Variants in PPEF1 observed in about 807,000 individuals in gnomAD.
The protein encoded by PPEF1 is protein phosphatase with EF-hand domain 1.
PPEF1 carries 12 observed loss-of-function variants against 53.3 expected under a neutral mutation model. That is an observed-to-expected ratio of 0.23 (90% CI 0.14 to 0.36). The LOEUF (loss-of-function observed/expected upper bound fraction) is 0.36. PPEF1 is among the 10% of genes least tolerant of loss of function. The pLI is 1.00. For synonymous variants in PPEF1, 165 were observed against 176.7 expected (o/e 0.93, Z 0.52); for missense variants, 334 against 490.4 (o/e 0.68, Z 3.01).
At chrX:18,707,054 C>T (rs1016751119), upstream of PPEF1, among the ~76,000 whole-genome samples, 1 of 109,402 alleles carries the variant, frequency 9.1e-6, no homozygotes, top group South Asian at 4.0e-4. Flanking sequence ...GTCTCGAACT[C>T]CTGACCTCGT....
At chrX:18,825,597 G>A (rs2047151141) in intron 14 of PPEF1, among the ~76,000 whole-genome samples, 154 bp from the exon 15 acceptor site, 1 of 112,056 alleles carries the variant, frequency 8.9e-6, no homozygotes. Flanking sequence ...GAATGAAGAG[G>A]GTGGGGCCTC....
In PPEF1 at chrX:18,749,900, C is replaced by G; in HGVS notation, c.344C>G (p.Pro115Arg). The G allele has an allele frequency of 2.5e-6, 3 of 1,206,999 alleles. No individual in the cohort carries two copies. The highest frequency in any genetic ancestry group is 3.4e-6 in the Non-Finnish European group (3 of 891,558). The change falls in exon 4 of 16, where the codon CCT becomes CGT. Residue 115 changes from proline (P) to arginine (R), a missense_variant. Physicochemically the swap from Pro to Arg is moderately radical, Grantham distance 103. Transcript: ENST00000470157. ...TATAATGGTCCTCGGCTACAATTTC[C>G]TCTCACTTGTACGGATATTGATTTA... ...DSYNGPRLQFPLTCTDIDLLL... is the reference protein window; with the variant it reads ...DSYNGPRLQFRLTCTDIDLLL...
At chrX:18,689,889 G>A (rs1183290213) in intron 3 of PPEF1, among the ~76,000 whole-genome samples, 2 of 110,887 alleles carry the variant, frequency 1.8e-5, no homozygotes, top group Non-Finnish European at 3.8e-5. Flanking sequence ...TCCGGGTCAC[G>A]AGCCTTAGCT....
At chrX:18,736,208 G>A (rs1240263825) in intron 3 of PPEF1, among the ~76,000 whole-genome samples, 1 of 111,740 alleles carries the variant, frequency 8.9e-6, no homozygotes, top group East Asian at 2.8e-4. Context: ...TCTTGTGCCA[G>A]TTTTCAAAGG....
chrX:18,765,789 C>T (rs924446238), intron 6 of PPEF1, among the ~76,000 whole-genome samples: 2 of 110,887 alleles, frequency 1.8e-5, no homozygotes, highest in Non-Finnish European at 3.8e-5. Context: ...AAAGGCCGGG[C>T]ACAGTGGCTC....
At chrX:18,759,857 C>T (rs1472560028) in intron 5 of PPEF1, among the ~76,000 whole-genome samples, 1 of 111,463 alleles carries the variant, frequency 9.0e-6, no homozygotes, top group African/African-American at 3.3e-5. Context: ...GAAAAGTATT[C>T]GTAAATTAAA....
chrX:18,822,123 G>C (rs2047073891), intron 13 of PPEF1, among the ~76,000 whole-genome samples: 2 of 112,175 alleles, frequency 1.8e-5, no homozygotes, highest in African/African-American at 6.5e-5. Context: ...ATGGGCTGTG[G>C]TGTCAGTGAA....
At chrX:18,732,777 C>A (rs905784908) in intron 2 of PPEF1, among the ~76,000 whole-genome samples, 1 of 112,275 alleles carries the variant, frequency 8.9e-6, no homozygotes, top group Non-Finnish European at 1.9e-5. Context: ...TTTGCAGATA[C>A]CTGGTGGCCA....
Position 18,677,035 on chromosome X carries a change from CTTT to C in PPEF1, c.-587+924_-587+926del, listed in dbSNP as rs763530257. ...GCCCCTCGCAAGGTGTCATCACAAT[CTTT>C]TTTTTTTTTTTTTTTTTTAAGACGG... On this transcript the variant is annotated intron_variant, in intron 1 of 20. Coordinates refer to the PPEF1 transcript ENST00000689646. 2.9e-4 allele frequency among the ~76,000 whole-genome samples: 26 copies of C among 90,010 alleles called. No homozygotes were observed. The East Asian group carries it at 7.6e-3, about 26-fold the overall frequency. The allele number at this position is 90,010 out of a possible 115,157, so 78.2% of individuals were successfully genotyped here.
intron 6 of PPEF1, among the ~76,000 whole-genome samples, chrX:18,768,265 GACTA>G (rs1432834753): frequency 8.9e-6 from 1 of 112,466 alleles, no homozygotes; most frequent in Non-Finnish European, 1.9e-5. Context: ...GTTATACTAT[GACTA>G]ACTGATTCTC....
intron 15 of PPEF1, among the ~76,000 whole-genome samples, chrX:18,826,776 C>G (rs1305302663): frequency 9.2e-6 from 1 of 108,822 alleles, no homozygotes; most frequent in African/African-American, 3.4e-5. Flanking sequence ...TTTTTAAAAA[C>G]TCATCAGATA....
At position 18,780,890 on chromosome X, in the gene PPEF1, TA is replaced by T. The variant is rs2046069423; in HGVS notation, c.726-1470del. ...TAACACAGTGAAACCCCGTCTCTACTAAAAAATACAAAAAAATTAGCCGGGC... is the reference window on the plus strand; with the variant it reads ...TAACACAGTGAAACCCCGTCTCTACTAAAAATACAAAAAAATTAGCCGGGC... On this transcript the variant is annotated intron_variant, in intron 7 of 15. Coordinates refer to ENST00000470157, the MANE Select transcript of PPEF1 (RefSeq NM_001377996.1). Among the ~76,000 whole-genome samples the T allele has an allele frequency of 2.8e-5, 3 of 109,036 alleles. No individual in the cohort carries two copies. The South Asian group carries it at 1.2e-3, about 44-fold the overall frequency. The allele number at this position is 109,036 out of a possible 115,157, so 94.7% of individuals were successfully genotyped here. A position where few individuals can be genotyped will look rare whatever the true frequency, so the allele number is the denominator to read the frequency against.
At chrX:18,767,607 T>C (rs1334881918) in intron 6 of PPEF1, among the ~76,000 whole-genome samples, 4 of 111,993 alleles carry the variant, frequency 3.6e-5, no homozygotes, top group South Asian at 3.7e-4. Flanking sequence ...GCCAAAATGG[T>C]TAAAGTAATT....
At chrX:18,678,416 G>A (rs886818016), upstream of PPEF1, among the ~76,000 whole-genome samples, 3 of 111,594 alleles carry the variant, frequency 2.7e-5, no homozygotes, top group East Asian at 2.8e-4. Flanking sequence ...CAGCCTGGGC[G>A]ACAGAGTGAG....
At chrX:18,734,322 C>G (rs2044914996) in intron 3 of PPEF1, among the ~76,000 whole-genome samples, 1 of 99,718 alleles carries the variant, frequency 1.0e-5, no homozygotes, top group Non-Finnish European at 2.0e-5. Context: ...TGTTCCCCAC[C>G]CTGTGTCCAA....
chrX:18,696,267 C>G (rs1370437137), intron 4 of PPEF1, among the ~76,000 whole-genome samples: 4 of 109,914 alleles, frequency 3.6e-5, no homozygotes, highest in Non-Finnish European at 3.8e-5. Flanking sequence ...ATCCTCCTGC[C>G]TCAGCCTCCC....
intron 10 of PPEF1, among the ~76,000 whole-genome samples, chrX:18,793,034 C>G (rs1320266787): frequency 2.8e-5 from 3 of 108,700 alleles, no homozygotes; most frequent in African/African-American, 1.0e-4. Context: ...ATTTTCCTGC[C>G]TCATAATCTT....
rs1345178285 is a variant in PPEF1 at position 18,815,806 on chromosome X, A to G, written c.1395-2233A>G. Among the ~76,000 whole-genome samples, 4 of 106,877 alleles carry G rather than the reference A, an allele frequency of 3.7e-5. No individual in the cohort carries two copies. In the Admixed American group the frequency reaches 4.0e-4, roughly 11 times the overall value. The allele number at this position is 106,877 out of a possible 115,157, so 92.8% of individuals were successfully genotyped here. A position where few individuals can be genotyped will look rare whatever the true frequency, so the allele number is the denominator to read the frequency against. ...TTTCTTTATTATCTTTCCATTCTCT[A>G]TTTCATTTCTTACTGCTCTATTCTT... On this transcript the variant is annotated intron_variant, in intron 12 of 15. Transcript: ENST00000470157.
At chrX:18,716,531 C>CAAAA (rs34160021) in intron 1 of PPEF1, among the ~76,000 whole-genome samples, 3 of 44,622 alleles carry the variant, frequency 6.7e-5, no homozygotes, top group African/African-American at 2.6e-4. Flanking sequence ...GACACCATCT[C>CAAAA]AAAAAAAAAA....
Sources: allele counts gnomAD v4.1 joint callset (sites outside exome capture counted in the v4.1 genomes callset), GRCh38; gene constraint gnomAD v4.1.1; transcripts MANE v1.5; gene names NCBI Gene and HGNC (gene_info 2026-07-23, HGNC 2026-07-21).